PHIP: variants seen among roughly 807,000 people sequenced by gnomAD.
PHIP encodes the protein PHIP subunit of CUL4-Ring ligase complex, also known as PH-interacting protein.
A neutral mutation model predicts 236.8 loss-of-function variants in PHIP; 54 were observed. That is an observed-to-expected ratio of 0.23 (90% CI 0.18 to 0.29). PHIP has a LOEUF of 0.29. Ranked by LOEUF, PHIP falls within the 10% of genes least tolerant of loss-of-function variation. The probability of loss-of-function intolerance (pLI) is 1.00; values close to 1 mark genes in which losing one functional copy is unlikely to be tolerated. For synonymous variants in PHIP, 756 were observed against 718.9 expected, an observed-to-expected ratio of 1.05 and a Z score of -0.83; for missense variants, 1,370 against 2,190.8, an observed-to-expected ratio of 0.63 and a Z score of 7.48.
At chr6:78,956,833 C>T (rs1766452455) in intron 32 of PHIP, 1 of 152,022 alleles carries the variant, frequency 6.6e-6, no homozygotes. Flanking sequence ...AACTTTTATA[C>T]AATTCTCTTA....
intron 9 of PHIP, 66 bp downstream of exon 9, chr6:79,025,453 T>TA: frequency 2.2e-6 from 2 of 921,792 alleles, no homozygotes; most frequent in Non-Finnish European, 3.6e-6. Context: ...TCGACTACTT[T>TA]ATACTTTTGC....
chr6:78,993,975 T>A (rs1033298879), intron 19 of PHIP, among the ~76,000 whole-genome samples: 1 of 152,220 alleles, frequency 6.6e-6, no homozygotes, highest in Non-Finnish European at 1.5e-5. Flanking sequence ...TAAGAACATT[T>A]ATGATTCATG....
intron 15 of PHIP, among the ~76,000 whole-genome samples, chr6:79,012,929 T>C (rs1770663138): frequency 6.6e-6 from 1 of 151,752 alleles, no homozygotes; most frequent in South Asian, 2.1e-4. Flanking sequence ...CTCAGATTTA[T>C]TACCATTATG....
Position 79,060,632 on chromosome 6 carries a change from AAAT to A in PHIP, c.340+33_340+35del, listed in dbSNP as rs752646014. 4 of 1,608,570 alleles carry A rather than the reference AAAT, an allele frequency of 2.5e-6. No individual in the cohort carries two copies. In the African/African-American group the frequency reaches 5.4e-5, roughly 22 times the overall value. ...AAGAACACAAAAACAAAAGTGAGAT[AAAT>A]AATGTCTAAATCCTATGAGAAAATT... On this transcript the variant is annotated intron_variant, in intron 5 of 39. Coordinates refer to ENST00000275034, the MANE Select transcript of PHIP (RefSeq NM_017934.7).
chr6:79,061,508 C>T (rs1773376068), intron 4 of PHIP, among the ~76,000 whole-genome samples: 1 of 152,030 alleles, frequency 6.6e-6, no homozygotes, highest in African/African-American at 2.4e-5. Flanking sequence ...GAAAATGTCT[C>T]CTCTATTAAG....
In PHIP at chr6:78,938,933, A is replaced by T. The variant is rs1274724745; in HGVS notation, c.*1760T>A. ...AATAATTATGTAATGTATTTTGCCAAGGTTCAATTGCAGACTTTATTTTTC... is the reference window on the plus strand; with the variant it reads ...AATAATTATGTAATGTATTTTGCCATGGTTCAATTGCAGACTTTATTTTTC... On this transcript the variant is annotated 3_prime_UTR_variant, in exon 40 of 40. Coordinates refer to ENST00000275034, the MANE Select transcript of PHIP (RefSeq NM_017934.7). The T allele has an allele frequency of 6.6e-6, 1 of 151,690 alleles. No individual in the cohort carries two copies. Among genetic ancestry groups the T allele is most frequent in the Non-Finnish European group, 1.5e-5 (1 of 67,628 alleles). 9.4% of individuals were successfully genotyped at this position (151,690 alleles called of 1,614,324 possible). A position where few individuals can be genotyped will look rare whatever the true frequency, so the allele number is the denominator to read the frequency against.
At position 78,985,835 on chromosome 6, in the gene PHIP, T is replaced by C. The variant is rs537934039; in HGVS notation, c.2461-407A>G. On this transcript the variant is annotated intron_variant, in intron 21 of 39. Transcript: ENST00000275034. ...CCAGAGACTGTCTCAAAAATAATAA[T>C]AATAAAATAATAAAAGAGTCAGCTG... Among the ~76,000 whole-genome samples the C allele has an allele frequency of 2.0e-5, 3 of 152,156 alleles. No individual in the cohort carries two copies. In the South Asian group the frequency reaches 6.2e-4, roughly 32 times the overall value.
Position 78,939,708 on chromosome 6 carries a change from G to T in PHIP, c.*985C>A. Reference sequence around the variant, plus strand: ...AAAGTTTAGAAATGACATTAATCCAGATCAACAAGTAAACATCAAATCCCA... The same window carrying T: ...AAAGTTTAGAAATGACATTAATCCATATCAACAAGTAAACATCAAATCCCA... On this transcript the variant is annotated 3_prime_UTR_variant, in exon 40 of 40. Coordinates refer to ENST00000275034, the MANE Select transcript of PHIP (RefSeq NM_017934.7). 6.6e-6 allele frequency: 1 copy of T among 151,842 alleles called. No individual in the cohort carries two copies. The highest frequency in any genetic ancestry group is 1.9e-4 in the East Asian group (1 of 5,188). The allele number at this position is 151,842 out of a possible 1,614,324, so 9.4% of individuals were successfully genotyped here. A position where few individuals can be genotyped will look rare whatever the true frequency, so the allele number is the denominator to read the frequency against.
chr6:78,998,798 C>T (rs1353750576), intron 17 of PHIP, among the ~76,000 whole-genome samples: 1 of 151,964 alleles, frequency 6.6e-6, no homozygotes, highest in East Asian at 1.9e-4. Flanking sequence ...ATCTGATTAC[C>T]CATTTTCTTA....
intron 17 of PHIP, among the ~76,000 whole-genome samples, chr6:78,999,995 AGTATGTTGTAT>A (rs1769883095): frequency 6.6e-6 from 1 of 152,070 alleles, no homozygotes; most frequent in African/African-American, 2.4e-5. Flanking sequence ...ACACATTTAA[AGTATGTTGTAT>A]GGTGCCAATA....
At chr6:78,958,828 C>T (rs189454374) in intron 31 of PHIP, among the ~76,000 whole-genome samples, 2 of 152,126 alleles carry the variant, frequency 1.3e-5, no homozygotes, top group Non-Finnish European at 2.9e-5. Flanking sequence ...GAATGGAACA[C>T]ACCATATTAA....
intron 15 of PHIP, among the ~76,000 whole-genome samples, chr6:79,010,717 G>T (rs1308932164): frequency 6.6e-6 from 1 of 151,744 alleles, no homozygotes; most frequent in Non-Finnish European, 1.5e-5. Context: ...CCAGAAACAT[G>T]AGGAAAGCTA....
chr6:78,993,179 A>C (rs1227372870), intron 19 of PHIP, among the ~76,000 whole-genome samples: 2 of 152,248 alleles, frequency 1.3e-5, no homozygotes, highest in African/African-American at 2.4e-5. Context: ...AGGTTGGAAG[A>C]GGGGAAAAAG....
intron 6 of PHIP, among the ~76,000 whole-genome samples, chr6:79,049,144 C>T (rs1050373506): frequency 4.6e-5 from 7 of 151,710 alleles, no homozygotes; most frequent in African/African-American, 1.7e-4. Flanking sequence ...ATCTCTGCAG[C>T]CTCCGCCTCC....
chr6:79,011,100 C>T (rs1770550665), intron 15 of PHIP, among the ~76,000 whole-genome samples: 1 of 151,808 alleles, frequency 6.6e-6, no homozygotes, highest in Non-Finnish European at 1.5e-5. Flanking sequence ...GAACAACTCT[C>T]ATCAAAACAA....
rs1769703046 is a variant in PHIP at position 78,997,594 on chromosome 6, G to C, written c.2021C>G (p.Ser674Cys). 6.2e-7 allele frequency: 1 copy of C among 1,610,482 alleles called. No homozygotes were observed. Residue 674 changes from serine (S) to cysteine (C), a missense_variant, in exon 19 of 40, where the codon TCC becomes TGC. By Grantham distance (112) the Ser-to-Cys change is moderately radical. Around this residue, in one of 14 missense-constraint regions of PHIP, gnomAD observed 133 missense variants for 245.2 expected, o/e 0.54. Coordinates refer to ENST00000275034, the MANE Select transcript of PHIP (RefSeq NM_017934.7). The part of the protein sequence containing the change: ...ISNTSRLSRG[S>C]ISSTSEVHSP... ...ATGAACCTCTGAGGTAGAACTTATG[G>C]AGCCTAAGTGAAAAAGTTACTATAT...
chr6:78,973,004 T>G (rs1269536690), intron 24 of PHIP, among the ~76,000 whole-genome samples: 5 of 152,034 alleles, frequency 3.3e-5, no homozygotes, highest in African/African-American at 1.2e-4. Flanking sequence ...AGGCCAACGT[T>G]GAGATTCAGG....
chr6:78,955,098 A>G, intron 34 of PHIP, 134 bp downstream of exon 34: 2 of 892,442 alleles, frequency 2.2e-6, no homozygotes, highest in Non-Finnish European at 3.3e-6. Flanking sequence ...GTTCTAAAAA[A>G]CATACATTTT....
At chr6:79,024,652 A>C (rs2050659) in intron 9 of PHIP, among the ~76,000 whole-genome samples, 68,982 of 151,726 alleles carry the variant, frequency 0.45, 16,273 homozygotes, top group East Asian at 0.7. Flanking sequence ...AAAATACAAA[A>C]AACTTATACG....
Sources: allele counts gnomAD v4.1 joint callset (sites outside exome capture counted in the v4.1 genomes callset), GRCh38; gene constraint gnomAD v4.1.1; regional missense constraint gnomAD v4.1.1; transcripts MANE v1.5; gene names NCBI Gene and HGNC (gene_info 2026-07-23, HGNC 2026-07-21).